Variants in SETD1B observed in about 807,000 individuals in gnomAD.
SETD1B encodes SET domain containing 1B, histone lysine methyltransferase, also known as histone-lysine N-methyltransferase SETD1B.
SETD1B carries 7 observed loss-of-function variants against 148.0 expected under a neutral mutation model. The observed-to-expected ratio is 0.05, with a 90% CI of 0.03 to 0.09. SETD1B has a LOEUF of 0.09. Ranked by LOEUF, SETD1B falls within the 10% of genes least tolerant of loss-of-function variation. The pLI is 1.00. For synonymous variants in SETD1B, 1,361 were observed against 1,186.5 expected (o/e 1.15, Z -3.02); for missense variants, 2,155 against 2,729.9 (o/e 0.79, Z 4.69).
chr12:121,812,767 CGT>C (rs147891168), intron 6 of SETD1B, among the ~76,000 whole-genome samples: 6 of 151,266 alleles, frequency 4.0e-5, no homozygotes, highest in Non-Finnish European at 7.4e-5. Flanking sequence ...TGCGTGCGTG[CGT>C]GTGTGTGTGT....
At chr12:121,820,493 T>C (rs898896218) in intron 11 of SETD1B, among the ~76,000 whole-genome samples, 38 of 152,238 alleles carry the variant, frequency 2.5e-4, no homozygotes, top group African/African-American at 8.7e-4. Context: ...TTGGCTTACA[T>C]AGATAGCTGC....
the SETD1B span, among the ~76,000 whole-genome samples, chr12:121,790,383 C>T: frequency 1.3e-5 from 2 of 152,280 alleles, 1 homozygote; most frequent in Admixed American, 1.3e-4. Context: ...GCCATTCCCT[C>T]ACCCTCTTGG....
rs1471281552 is a variant in SETD1B, at chr12:121,814,587, C to T, written c.2372C>T (p.Ala791Val). 1 of 1,527,854 alleles carries T rather than the reference C, an allele frequency of 6.5e-7. No homozygotes were observed. The highest frequency in any genetic ancestry group is 8.8e-7 in the Non-Finnish European group (1 of 1,133,456). The allele number at this position is 1,527,854 out of a possible 1,614,324, so 94.6% of individuals were successfully genotyped here. Residue 791 changes from alanine (A) to valine (V), a missense_variant, in exon 7 of 17, where the codon GCC becomes GTC. This residue lies in a region of SETD1B where 289 missense variants were observed against 423.7 expected (regional missense o/e 0.68). Coordinates refer to ENST00000604567, the MANE Select transcript of SETD1B (RefSeq NM_001353345.2). Reference protein sequence around the residue: ...VLSRLMTGQGACPYPPFMAAA... With the variant: ...VLSRLMTGQGVCPYPPFMAAA... ...AGCCGGCTGATGACGGGCCAGGGCG[C>T]CTGCCCCTACCCGCCCTTCATGGCC...
chr12:121,822,713 G>C lies in SETD1B; in HGVS notation c.4134G>C (p.Thr1378=). 6.6e-7 allele frequency: 1 copy of C among 1,526,528 alleles called. No individual in the cohort carries two copies. Among genetic ancestry groups the C allele is most frequent in the South Asian group, 1.2e-5 (1 of 82,720 alleles). 94.6% of individuals were successfully genotyped at this position (1,526,528 alleles called of 1,614,324 possible). Residue 1378 remains threonine (T), a synonymous_variant, in exon 12 of 17, where the codon ACG becomes ACC. Transcript: ENST00000604567. Reference sequence around the variant, plus strand: ...TGGCCAAGTCGCAGAGCACAGAGACGGTGCCAGCCACACCAGGCGGGGAGC... The same window carrying C: ...TGGCCAAGTCGCAGAGCACAGAGACCGTGCCAGCCACACCAGGCGGGGAGC... ...GSLAKSQSTE[T]VPATPGGEPP...
Position 121,814,693 on chromosome 12 carries a change from C to A in SETD1B, c.2478C>A (p.Ser826=). ...GGGGCCCCTTCTCCCTGAGCAACTC[C>A]GGCCCAGGCCGCGGGCAGCACTGGC... ...PYRGPFSLSN[S]GPGRGQHWPP... The change falls in exon 7 of 17, where the codon TCC becomes TCA. Residue 826 remains serine, a synonymous_variant. Transcript: ENST00000604567. 6.4e-7 allele frequency: 1 copy of A among 1,550,460 alleles called. No individual in the cohort carries two copies. Among genetic ancestry groups the A allele is most frequent in the Non-Finnish European group, 8.7e-7 (1 of 1,146,928 alleles).
chr12:121,814,156 C>G lies in SETD1B; in HGVS notation c.1941C>G (p.Pro647=). ...EDMEISDDEM[P]SAPITSADCP... ...TGGAGATCTCGGATGACGAGATGCC[C>G]TCGGCCCCCATCACCAGCGCTGACT... The change falls in exon 7 of 17, where the codon CCC becomes CCG. Residue 647 remains proline (P), a synonymous_variant. Transcript: ENST00000604567. The G allele has an allele frequency of 6.5e-7, 1 of 1,548,624 alleles. No individual in the cohort carries two copies. The highest frequency in any genetic ancestry group is 8.7e-7 in the Non-Finnish European group (1 of 1,146,680).
At chr12:121,814,990 G>A in intron 7 of SETD1B, 60 bp downstream of exon 7, 6 of 1,412,916 alleles carry the variant, frequency 4.2e-6, no homozygotes, top group East Asian at 2.5e-5. Flanking sequence ...GTCCCCAGCC[G>A]GGCACCTCCT....
chr12:121,801,492 C>T (rs2137533455), upstream of SETD1B: 1 of 152,736 alleles, frequency 6.5e-6, no homozygotes, highest in South Asian at 2.1e-4. Flanking sequence ...TCTCAGCTCC[C>T]AAACACTTGC....
chr12:121,799,808 CA>C (rs1398302499), upstream of SETD1B: 1 of 151,056 alleles, frequency 6.6e-6, no homozygotes, highest in Non-Finnish European at 1.5e-5. Flanking sequence ...CAGAGCCCCC[CA>C]AATCTCCCTC....
rs918381157 is a variant in SETD1B, at chr12:121,809,946, C to T, written c.1001C>T (p.Pro334Leu). ...GAACATCATTATGTACACAATTCTC[C>T]CGCGGTCACTGCGGTGGCCGGGGCC... ...RHEHHYVHNS[P>L]AVTAVAGATA... Residue 334 changes from proline (P) to leucine (L), a missense_variant, in exon 6 of 17, where the codon CCC becomes CTC. This residue lies in a region of SETD1B where 376 missense variants were observed against 385.0 expected (regional missense o/e 0.98). Coordinates refer to ENST00000604567, the MANE Select transcript of SETD1B (RefSeq NM_001353345.2). The T allele has an allele frequency of 1.9e-6, 3 of 1,551,114 alleles. No homozygotes were observed. Among genetic ancestry groups the T allele is most frequent in the African/African-American group, 2.7e-5 (2 of 73,042 alleles).
rs1471416056 is a variant in SETD1B at position 121,805,720 on chromosome 12, T to C, written c.274-115T>C. ...TTTTTTTTTTTAATTTTTAGTTTTT[T>C]TACCCTTTATTGTTTTCAACGGGTG... On this transcript the variant is annotated intron_variant, in intron 3 of 16. Transcript: ENST00000604567. This position sits in a 1 kb window ranked among gnomAD's most constrained non-coding sequence, Gnocchi z 4.2. The C allele has an allele frequency of 3.0e-6, 3 of 992,916 alleles. No individual in the cohort carries two copies. In the East Asian group the frequency reaches 8.9e-5, roughly 30 times the overall value. The allele number at this position is 992,916 out of a possible 1,614,324, so 61.5% of individuals were successfully genotyped here.
upstream of SETD1B, chr12:121,799,372 A>G (rs772664399): frequency 6.6e-6 from 1 of 152,244 alleles, no homozygotes; most frequent in Non-Finnish European, 1.5e-5. Context: ...CCTTTCATAG[A>G]GAAAGGTGGC....
intron 6 of SETD1B, among the ~76,000 whole-genome samples, chr12:121,811,933 G>A (rs1268167725): frequency 6.6e-6 from 1 of 152,166 alleles, no homozygotes; most frequent in East Asian, 1.9e-4. Context: ...CAGCTGTAGG[G>A]GGGCCGCCGG....
At chr12:121,806,171 C>T in intron 4 of SETD1B, 66 bp downstream of exon 4, 3 of 1,502,148 alleles carry the variant, frequency 2.0e-6, no homozygotes, top group South Asian at 2.6e-5. Flanking sequence ...CCCACCCTTC[C>T]TGCAGCGTGG....
chr12:121,824,452 G>C (rs1876740862), intron 12 of SETD1B, among the ~76,000 whole-genome samples: 1 of 152,164 alleles, frequency 6.6e-6, no homozygotes, highest in Non-Finnish European at 1.5e-5. Context: ...TTTGAGACCA[G>C]CCTGGCCAAC....
At chr12:121,816,550 A>G (rs775878817) in intron 7 of SETD1B, among the ~76,000 whole-genome samples, 1 of 152,226 alleles carries the variant, frequency 6.6e-6, no homozygotes, top group Non-Finnish European at 1.5e-5. Context: ...CACCTTGCAA[A>G]GCTCTTCATG....
Position 121,819,753 on chromosome 12 carries a change from T to C in SETD1B, c.3768T>C (p.Pro1256=). 1 of 1,551,450 alleles carries C rather than the reference T, an allele frequency of 6.4e-7. No individual in the cohort carries two copies. The highest frequency in any genetic ancestry group is 1.2e-5 in the South Asian group (1 of 84,058). Reference sequence around the variant, plus strand: ...CCATGCTGGACGAGCCCCCCTTGCCTGTGGGTGTTGAAGAGCCAGCGGACT... The same window carrying C: ...CCATGCTGGACGAGCCCCCCTTGCCCGTGGGTGTTGAAGAGCCAGCGGACT... ...RPSMLDEPPL[P]VGVEEPADSR... The change falls in exon 11 of 17, where the codon CCT becomes CCC. Residue 1256 remains proline, a synonymous_variant. Transcript: ENST00000604567.
chr12:121,807,243 G>A (rs952053028), intron 4 of SETD1B, among the ~76,000 whole-genome samples: 10 of 152,198 alleles, frequency 6.6e-5, no homozygotes, highest in African/African-American at 2.2e-4. Flanking sequence ...TCAGGGCACA[G>A]CCCTCTTTTT....
Position 121,805,401 on chromosome 12 carries a change from C to T in SETD1B, c.273+185C>T, listed in dbSNP as rs1875683706. Among the ~76,000 whole-genome samples the T allele has an allele frequency of 6.6e-6, 1 of 152,138 alleles. No individual in the cohort carries two copies. Among genetic ancestry groups the T allele is most frequent in the Non-Finnish European group, 1.5e-5 (1 of 68,014 alleles). ...CTCTCAGCTACTGAAAACAAAATAA[C>T]ACTGGGTGAAACTGTAATCACGGCG... On this transcript the variant is annotated intron_variant, in intron 3 of 16. Coordinates refer to ENST00000604567, the MANE Select transcript of SETD1B (RefSeq NM_001353345.2). The surrounding 1 kb of genome is among the most constrained non-coding windows in gnomAD (Gnocchi z 4.2).
Sources: allele counts gnomAD v4.1 joint callset (sites outside exome capture counted in the v4.1 genomes callset), GRCh38; gene constraint gnomAD v4.1.1; regional missense constraint gnomAD v4.1.1; non-coding constraint Gnocchi (gnomAD v3.1); transcripts MANE v1.5; gene names NCBI Gene and HGNC (gene_info 2026-07-23, HGNC 2026-07-21).